The following METTL25 variants were observed in gnomAD, a reference collection of about 807,000 sequenced individuals.
METTL25 encodes the protein methyltransferase like 25.
Under a neutral mutation model 71.6 loss-of-function variants are expected in METTL25, and 64 were observed. The observed-to-expected ratio is 0.89, with a 90% CI of 0.73 to 1.10. The LOEUF is 1.10. METTL25 is among the 50% of genes least tolerant of loss of function. The pLI, the probability that METTL25 is intolerant of heterozygous loss-of-function variation, is 0.00. For missense variants in METTL25, 807 were observed against 707.0 expected (o/e 1.14, Z -1.60); for synonymous variants, 287 against 250.3 (o/e 1.15, Z -1.38).
At position 82,423,591 on chromosome 12, in the gene METTL25, C is replaced by T. The variant is rs1026068528; in HGVS notation, c.1280-7302C>T. On this transcript the variant is annotated intron_variant, in intron 5 of 11. Coordinates refer to ENST00000248306, the MANE Select transcript of METTL25 (RefSeq NM_032230.3). The stretch of plus-strand genomic sequence containing the variant: ...TCTGCACAGCAAAAGAAACTACCAT[C>T]GGAGTGAACAGGCAACCTACAGAAT... 4.5e-4 allele frequency among the ~76,000 whole-genome samples: 69 copies of T among 152,174 alleles called. 1 individual carries two copies. The highest frequency in any genetic ancestry group is 8.4e-4 in the Non-Finnish European group (57 of 68,044).
intron 1 of METTL25, among the ~76,000 whole-genome samples, chr12:82,370,410 TA>T (rs2136850930): frequency 6.6e-6 from 1 of 152,304 alleles, no homozygotes; most frequent in African/African-American, 2.4e-5. Flanking sequence ...GAGGTTGGTA[TA>T]AGAGTTTGAA....
At position 82,398,849 on chromosome 12, in the gene METTL25, T is replaced by G. The variant is rs1204271018; in HGVS notation, c.586T>G (p.Tyr196Asp). ...GYLSSFLSLK[Y>D]GLKVYGIDSS... ...CCTAAGCTCTTTTTTGTCCTTGAAG[T>G]ATGGCTTAAAAGTTTATGGAATTGA... Residue 196 changes from tyrosine (Y) to aspartate (D), a missense_variant, in exon 4 of 12, where the codon TAT (tyrosine) becomes GAT (aspartate). Tyr to Asp is a radical substitution (Grantham distance 160, BLOSUM62 -3). Transcript: ENST00000248306. The G allele has an allele frequency of 1.1e-5, 17 of 1,591,414 alleles. No homozygotes were observed. Among genetic ancestry groups the G allele is most frequent in the Non-Finnish European group, 1.3e-5 (15 of 1,173,730 alleles).
intron 8 of METTL25, among the ~76,000 whole-genome samples, chr12:82,453,380 T>G (rs1052911729): frequency 1.3e-5 from 2 of 152,188 alleles, no homozygotes; most frequent in Non-Finnish European, 2.9e-5. Flanking sequence ...AGTTTAACAG[T>G]ATTGAGTATG....
rs918990732 is a variant in METTL25 at position 82,418,369 on chromosome 12, TGTA to T, written c.1280-12520_1280-12518del. Among the ~76,000 whole-genome samples, 7 of 152,078 alleles carry T rather than the reference TGTA, an allele frequency of 4.6e-5. No individual in the cohort carries two copies. The East Asian group carries it at 1.2e-3, about 25-fold the overall frequency. On this transcript the variant is annotated intron_variant, in intron 5 of 11. Coordinates refer to ENST00000248306, the MANE Select transcript of METTL25 (RefSeq NM_032230.3). Reference sequence around the variant, plus strand: ...TGTAAAGGCACATCAAACATAAAGGTGTAGTACTAAATCATGACTGCATAAAAT... The same window carrying T: ...TGTAAAGGCACATCAAACATAAAGGTGTACTAAATCATGACTGCATAAAAT...
In METTL25 at chr12:82,473,390, C is replaced by A. The variant is rs148093814; in HGVS notation, c.1573-3254C>A. Among the ~76,000 whole-genome samples the A allele has an allele frequency of 2.5e-3, 385 of 152,168 alleles. 2 individuals are homozygous for A. The highest frequency in any genetic ancestry group is 8.8e-3 in the African/African-American group (364 of 41,540). On this transcript the variant is annotated intron_variant, in intron 9 of 11. Coordinates refer to ENST00000248306, the MANE Select transcript of METTL25 (RefSeq NM_032230.3). ...CTTCAGCTGACCTAGGGCATGTCGG[C>A]CAGGCCTCTCCAGGGGAGGGCTGCT...
intron 11 of METTL25, among the ~76,000 whole-genome samples, chr12:82,478,598 C>A (rs903582662): frequency 6.6e-6 from 1 of 151,560 alleles, no homozygotes; most frequent in African/African-American, 2.4e-5. Context: ...TTCAGAATTT[C>A]CCACCATATT....
intron 5 of METTL25, among the ~76,000 whole-genome samples, chr12:82,417,835 T>G (rs1001317029): frequency 6.6e-6 from 1 of 152,036 alleles, no homozygotes; most frequent in Non-Finnish European, 1.5e-5. Context: ...CAGGAGAAGC[T>G]TTGTTGTTAA....
chr12:82,402,093 ATG>A (rs1159566065), intron 4 of METTL25, among the ~76,000 whole-genome samples: 1 of 151,758 alleles, frequency 6.6e-6, no homozygotes, highest in Non-Finnish European at 1.5e-5. Flanking sequence ...CTCATTGTGT[ATG>A]TGTGTGTGTA....
At chr12:82,369,885 C>T (rs1453044760) in intron 1 of METTL25, among the ~76,000 whole-genome samples, 1 of 152,126 alleles carries the variant, frequency 6.6e-6, no homozygotes, top group Admixed American at 6.5e-5. Flanking sequence ...TAGCTAGATA[C>T]AGAGTGCTGA....
At chr12:82,408,135 C>T (rs955056064) in intron 5 of METTL25, among the ~76,000 whole-genome samples, 1 of 152,080 alleles carries the variant, frequency 6.6e-6, no homozygotes, top group Non-Finnish European at 1.5e-5. Context: ...TTCTGATGAA[C>T]AGCATGGTTG....
chr12:82,387,073 C>T, intron 2 of METTL25, 106 bp downstream of exon 2: 2 of 915,624 alleles, frequency 2.2e-6, no homozygotes, highest in Non-Finnish European at 3.2e-6. Flanking sequence ...ATTGTTAGAC[C>T]TTAATATATA....
At chr12:82,472,214 T>C (rs940238824) in intron 9 of METTL25, among the ~76,000 whole-genome samples, 7 of 152,218 alleles carry the variant, frequency 4.6e-5, no homozygotes, top group Admixed American at 1.3e-4. Flanking sequence ...ATTTTGTGAG[T>C]ACATAAAAGT....
Position 82,399,062 on chromosome 12 carries a change from A to G in METTL25, c.799A>G (p.Thr267Ala), listed in dbSNP as rs778118853. 9 of 1,613,170 alleles carry G rather than the reference A, an allele frequency of 5.6e-6. No individual in the cohort carries two copies. In the South Asian group the frequency reaches 6.6e-5, roughly 12 times the overall value. The stretch of plus-strand genomic sequence containing the variant: ...TGAGGAAGTGTTTAACAACAGTCCT[A>G]CAAATCAAGAAAAGATGCCTACCTC... ...DTEEVFNNSP[T>A]NQEKMPTSAI... The change falls in exon 4 of 12, where the codon ACA becomes GCA. Residue 267 changes from threonine to alanine, a missense_variant. Physicochemically the swap from Thr to Ala is moderately conservative, Grantham distance 58 (BLOSUM62 0). Transcript: ENST00000248306.
chr12:82,460,504 G>C (rs1257133088), intron 9 of METTL25, among the ~76,000 whole-genome samples: 1 of 152,174 alleles, frequency 6.6e-6, no homozygotes, highest in Non-Finnish European at 1.5e-5. Context: ...GATAATTCAT[G>C]TTGCTAGTAT....
At chr12:82,411,504 A>G (rs1434631239) in intron 5 of METTL25, among the ~76,000 whole-genome samples, 1 of 151,974 alleles carries the variant, frequency 6.6e-6, no homozygotes, top group Non-Finnish European at 1.5e-5. Context: ...TGGGGTATAT[A>G]GCAAGCAGTC....
intron 6 of METTL25, among the ~76,000 whole-genome samples, chr12:82,431,200 TTAAA>T (rs1451148808): frequency 2.0e-5 from 3 of 151,224 alleles, no homozygotes; most frequent in African/African-American, 7.3e-5. Flanking sequence ...ATTTTAATTA[TTAAA>T]TAAAATATAA....
At chr12:82,438,487 T>C (rs1420563792) in intron 7 of METTL25, 2 of 326,954 alleles carry the variant, frequency 6.1e-6, no homozygotes, top group Non-Finnish European at 1.1e-5. Flanking sequence ...TTCTTTCTTA[T>C]TCACTACTGT....
intron 1 of METTL25, among the ~76,000 whole-genome samples, chr12:82,361,368 G>A (rs4597127): frequency 1 from 151,723 of 152,390 alleles, 75,534 homozygotes; most frequent in Middle Eastern, 1. Context: ...TGGATCCCAC[G>A]TTGGGGCTGC....
intron 1 of METTL25, among the ~76,000 whole-genome samples, chr12:82,385,196 C>T (rs1325352378): frequency 6.6e-6 from 1 of 152,050 alleles, no homozygotes. Flanking sequence ...ACATTACCAC[C>T]ACCAGCTTAA....
Sources: gnomAD v4.1 joint callset for allele counts (sites outside exome capture counted in the v4.1 genomes callset) on GRCh38, gnomAD v4.1.1 for gene constraint, MANE v1.5 for transcripts, NCBI Gene and HGNC (gene_info 2026-07-23, HGNC 2026-07-21) for gene names.